The following NCKAP5 variants were observed in gnomAD, a reference collection of about 807,000 sequenced individuals.
NCKAP5 encodes NCK associated protein 5.
NCKAP5 carries 92 observed loss-of-function variants against 167.0 expected under a neutral mutation model. That is an observed-to-expected ratio of 0.55 (90% CI 0.47 to 0.66). The LOEUF is 0.66. NCKAP5 is among the 30% of genes least tolerant of loss of function. The pLI, the probability that NCKAP5 is intolerant of heterozygous loss-of-function variation, is 0.00. For synonymous variants in NCKAP5, 891 were observed against 877.4 expected, an observed-to-expected ratio of 1.02 and a Z score of -0.27; for missense variants, 2,378 against 2,315.0, an observed-to-expected ratio of 1.03 and a Z score of -0.56.
chr2:133,592,303 G>T, the NCKAP5 span, among the ~76,000 whole-genome samples: 3 of 152,182 alleles, frequency 2.0e-5, no homozygotes, highest in African/African-American at 7.2e-5. Context: ...ATCCAAGTCA[G>T]CCTCAGGCAA....
At chr2:133,406,497 C>T (rs1343080246) in intron 3 of NCKAP5, among the ~76,000 whole-genome samples, 1 of 145,408 alleles carries the variant, frequency 6.9e-6, no homozygotes, top group Non-Finnish European at 1.5e-5. Context: ...CCCCTTTTTA[C>T]AGTTTTGCCC....
chr2:132,693,619 CTTTTTTTTT>C (rs1185832600), intron 19 of NCKAP5, among the ~76,000 whole-genome samples: 40 of 84,490 alleles, frequency 4.7e-4, no homozygotes, highest in African/African-American at 2.0e-3. Context: ...CCCACCCCGC[CTTTTTTTTT>C]TTTTTTTTTT....
chr2:133,047,580 G>T (rs542024122), intron 6 of NCKAP5, among the ~76,000 whole-genome samples: 1 of 152,162 alleles, frequency 6.6e-6, no homozygotes, highest in African/African-American at 2.4e-5. Flanking sequence ...AACCTGAAAA[G>T]CCTCATCTGT....
intron 7 of NCKAP5, among the ~76,000 whole-genome samples, chr2:132,971,768 A>T (rs144935963): frequency 6.6e-6 from 1 of 152,318 alleles, no homozygotes; most frequent in African/African-American, 2.4e-5. Context: ...AGAGTGGGCC[A>T]TCAGCCACCA....
At chr2:133,493,689 C>T (rs986995257) in intron 3 of NCKAP5, among the ~76,000 whole-genome samples, 7 of 152,158 alleles carry the variant, frequency 4.6e-5, no homozygotes, top group Admixed American at 1.3e-4. Context: ...GTTTAGTCAT[C>T]GTCATCTACA....
Position 132,782,352 on chromosome 2 carries a change from C to G in NCKAP5, c.4459G>C (p.Gly1487Arg), listed in dbSNP as rs1683107237. Residue 1487 changes from glycine to arginine, a missense_variant, in exon 14 of 20, where the codon GGC becomes CGC. This residue lies in a region of NCKAP5 where 1,325 missense variants were observed against 1,274.5 expected (regional missense o/e 1.04). Coordinates refer to ENST00000409261, the MANE Select transcript of NCKAP5 (RefSeq NM_207363.3). Reference sequence around the variant, plus strand: ...GAGGTGGGCTTTGTTTGCACTTGGCCCTTTTCCACATTTTCCTGAATGCAC... The same window carrying G: ...GAGGTGGGCTTTGTTTGCACTTGGCGCTTTTCCACATTTTCCTGAATGCAC... Reference protein sequence around the residue: ...MLCIQENVEKGQVQTKPTSVE... With the variant: ...MLCIQENVEKRQVQTKPTSVE... 6.2e-7 allele frequency: 1 copy of G among 1,613,890 alleles called. No individual in the cohort carries two copies. Among genetic ancestry groups the G allele is most frequent in the Non-Finnish European group, 8.5e-7 (1 of 1,179,914 alleles).
chr2:133,506,712 C>T (rs554282641), intron 3 of NCKAP5, among the ~76,000 whole-genome samples: 71 of 152,292 alleles, frequency 4.7e-4, no homozygotes, highest in Non-Finnish European at 8.2e-4. Context: ...CAGGAGGCTC[C>T]ATTATTATCT....
chr2:133,073,245 C>T (rs1304935076), intron 6 of NCKAP5, among the ~76,000 whole-genome samples: 2 of 151,748 alleles, frequency 1.3e-5, no homozygotes, highest in African/African-American at 4.8e-5. Context: ...TTCTTTCTCC[C>T]TTTTTTTATT....
intron 3 of NCKAP5, among the ~76,000 whole-genome samples, chr2:133,328,031 TC>T (rs779161129): frequency 3.9e-5 from 6 of 152,064 alleles, no homozygotes; most frequent in Non-Finnish European, 7.4e-5. Flanking sequence ...ACTCTCCACA[TC>T]TTCAGAGCTT....
intron 6 of NCKAP5, among the ~76,000 whole-genome samples, chr2:133,086,600 C>T (rs2081000238): frequency 2.0e-5 from 3 of 152,100 alleles, no homozygotes; most frequent in African/African-American, 7.2e-5. Context: ...TATGATCATG[C>T]CACTGCACTC....
intron 3 of NCKAP5, among the ~76,000 whole-genome samples, chr2:133,375,190 C>T (rs1373014357): frequency 6.6e-6 from 1 of 152,230 alleles, no homozygotes; most frequent in African/African-American, 2.4e-5. Context: ...AAGAAACACA[C>T]TTCTCCCCAC....
At chr2:132,833,802 A>T (rs1574366421) in intron 11 of NCKAP5, among the ~76,000 whole-genome samples, 1 of 152,132 alleles carries the variant, frequency 6.6e-6, no homozygotes, top group Non-Finnish European at 1.5e-5. Context: ...TGATGCTTCC[A>T]GCTTTGTTCT....
At chr2:132,794,390 T>G (rs1369731410) in intron 12 of NCKAP5, among the ~76,000 whole-genome samples, 2 of 149,364 alleles carry the variant, frequency 1.3e-5, no homozygotes, top group Admixed American at 6.7e-5. Context: ...CCCAGCACTT[T>G]GGGAGGCCAA....
At chr2:133,606,115 C>T in the NCKAP5 span, among the ~76,000 whole-genome samples, 1 of 148,864 alleles carries the variant, frequency 6.7e-6, no homozygotes, top group African/African-American at 2.5e-5. Context: ...CAAAACTAAC[C>T]AGAATCAGAT....
intron 6 of NCKAP5, among the ~76,000 whole-genome samples, chr2:133,054,452 C>T (rs2079721662): frequency 6.6e-6 from 1 of 152,164 alleles, no homozygotes; most frequent in Non-Finnish European, 1.5e-5. Context: ...CTGCTGGGCC[C>T]TGTTAGCACT....
At chr2:133,265,366 TA>T (rs1214814435) in intron 4 of NCKAP5, among the ~76,000 whole-genome samples, 13 of 152,180 alleles carry the variant, frequency 8.5e-5, no homozygotes, top group African/African-American at 3.1e-4. Flanking sequence ...GAGGATGTCC[TA>T]ACAGCCCTTT....
intron 9 of NCKAP5, among the ~76,000 whole-genome samples, chr2:132,871,854 A>T (rs1033676502): frequency 5.3e-5 from 8 of 152,252 alleles, no homozygotes; most frequent in African/African-American, 1.9e-4. Context: ...CTATAACGAC[A>T]GTGTCCGAGG....
chr2:132,784,335 G>C lies in NCKAP5; in HGVS notation c.2476C>G (p.Pro826Ala). Residue 826 changes from proline (P) to alanine (A), a missense_variant, in exon 14 of 20, where the codon CCT (proline) becomes GCT (alanine). Pro to Ala is a conservative substitution (Grantham distance 27, BLOSUM62 -1). Coordinates refer to ENST00000409261, the MANE Select transcript of NCKAP5 (RefSeq NM_207363.3). ...LMEPEATTLL[P>A]SSGLVTLEKS... ...TCAAGAGTCACCAGGCCAGATGAAG[G>C]GAGTAGTGTGGTGGCTTCGGGCTCC... 6.2e-7 allele frequency: 1 copy of C among 1,614,026 alleles called. No individual in the cohort carries two copies. Among genetic ancestry groups the C allele is most frequent in the Non-Finnish European group, 8.5e-7 (1 of 1,179,896 alleles).
intron 12 of NCKAP5, among the ~76,000 whole-genome samples, chr2:132,794,648 T>TACACACACACACACACACACACAC (rs4057986): frequency 1.4e-5 from 2 of 142,478 alleles, no homozygotes; most frequent in Non-Finnish European, 3.1e-5. Flanking sequence ...CAACAACAAA[T>TACACACACACACACACACACACAC]ACACACACAC....
Sources: allele counts gnomAD v4.1 joint callset (sites outside exome capture counted in the v4.1 genomes callset), GRCh38; gene constraint gnomAD v4.1.1; regional missense constraint gnomAD v4.1.1; transcripts MANE v1.5; gene names NCBI Gene and HGNC (gene_info 2026-07-23, HGNC 2026-07-21).